Variants in CAMTA1 observed in about 807,000 individuals in gnomAD.
CAMTA1 encodes the protein calmodulin binding transcription activator 1.
Under a neutral mutation model 170.9 loss-of-function variants are expected in CAMTA1, and 27 were observed. That is an observed-to-expected ratio of 0.16 (90% CI 0.12 to 0.22). The LOEUF (loss-of-function observed/expected upper bound fraction) is 0.22, where lower values mean the gene tolerates loss of function less well. Ranked by LOEUF, CAMTA1 falls within the 10% of genes least tolerant of loss-of-function variation. The probability of loss-of-function intolerance (pLI) is 1.00; values close to 1 mark genes in which losing one functional copy is unlikely to be tolerated. For missense variants in CAMTA1, 1,619 were observed against 2,217.2 expected (o/e 0.73, Z 5.42); for synonymous variants, 833 against 891.5 (o/e 0.93, Z 1.17).
chr1:6,954,693 C>G (rs1327908914), intron 3 of CAMTA1, among the ~76,000 whole-genome samples: 1 of 152,206 alleles, frequency 6.6e-6, no homozygotes, highest in Non-Finnish European at 1.5e-5. Context: ...GAGCCCGACC[C>G]TTAAGACTAA....
chr1:7,703,907 G>C (rs989109902), intron 11 of CAMTA1, among the ~76,000 whole-genome samples: 1 of 152,138 alleles, frequency 6.6e-6, no homozygotes, highest in African/African-American at 2.4e-5. Flanking sequence ...AAGTGCGCAG[G>C]GCTGGAGCTG....
chr1:7,004,698 A>C (rs1698725607), intron 3 of CAMTA1, among the ~76,000 whole-genome samples: 1 of 152,186 alleles, frequency 6.6e-6, no homozygotes, highest in South Asian at 2.1e-4. Context: ...CCTCAAAGAC[A>C]ACCACTATCC....
At chr1:7,755,740 A>G in intron 22 of CAMTA1, 72 bp downstream of exon 22, 3 of 1,292,276 alleles carry the variant, frequency 2.3e-6, no homozygotes, top group South Asian at 1.2e-5. Context: ...GCTTGCTTGC[A>G]TGAGGCTGCA....
At chr1:6,873,368 T>G (rs1668937853) in intron 3 of CAMTA1, among the ~76,000 whole-genome samples, 1 of 152,182 alleles carries the variant, frequency 6.6e-6, no homozygotes, top group African/African-American at 2.4e-5. Context: ...GCCATGTCCT[T>G]CTAGCACTAA....
chr1:6,967,300 A>G (rs1188917511), intron 3 of CAMTA1, among the ~76,000 whole-genome samples: 1 of 151,834 alleles, frequency 6.6e-6, no homozygotes, highest in African/African-American at 2.4e-5. Context: ...GAATTTTTTC[A>G]GAAAATGGAG....
At chr1:7,042,990 A>AC (rs1178511886) in intron 3 of CAMTA1, among the ~76,000 whole-genome samples, 40 of 151,756 alleles carry the variant, frequency 2.6e-4, no homozygotes, top group East Asian at 1.4e-3. Context: ...AATCAACCAA[A>AC]CCACCCCCCA....
intron 3 of CAMTA1, among the ~76,000 whole-genome samples, chr1:6,831,019 C>T (rs1053711531): frequency 5.9e-5 from 9 of 151,578 alleles, no homozygotes; most frequent in Non-Finnish European, 1.0e-4. Context: ...GGGCTTTCAC[C>T]GTGTTGGCCA....
chr1:7,675,599 C>G (rs999738436), intron 10 of CAMTA1, among the ~76,000 whole-genome samples: 1 of 151,900 alleles, frequency 6.6e-6, no homozygotes, highest in Non-Finnish European at 1.5e-5. Context: ...CTGTGGCCCC[C>G]GGTGCTGGAT....
At chr1:7,252,350 G>A (rs531213046) in intron 5 of CAMTA1, among the ~76,000 whole-genome samples, 3 of 152,342 alleles carry the variant, frequency 2.0e-5, no homozygotes, top group South Asian at 4.1e-4. Flanking sequence ...ATGTTAATGG[G>A]AGCCTGTTGC....
At chr1:7,543,060 G>A (rs1044045078) in intron 6 of CAMTA1, among the ~76,000 whole-genome samples, 1 of 151,970 alleles carries the variant, frequency 6.6e-6, no homozygotes, top group Non-Finnish European at 1.5e-5. Context: ...GTGGAGACAG[G>A]GTTTCACCGT....
rs1335869977 is a variant in CAMTA1 at position 7,674,251 on chromosome 1, C to G, written c.2779+3214C>G. Among the ~76,000 whole-genome samples the G allele has an allele frequency of 6.6e-6, 1 of 152,176 alleles. No individual in the cohort carries two copies. The highest frequency in any genetic ancestry group is 2.4e-5 in the African/African-American group (1 of 41,444). ...ACACCGTCACAGGTGGCAGGAGACACGCAGGCACTGAGTGTGTCTTCTGCA... is the reference window on the plus strand; with the variant it reads ...ACACCGTCACAGGTGGCAGGAGACAGGCAGGCACTGAGTGTGTCTTCTGCA... On this transcript the variant is annotated intron_variant, in intron 10 of 22. Transcript: ENST00000303635. This position sits in a 1 kb window ranked among gnomAD's most constrained non-coding sequence, Gnocchi z 4.1.
intron 6 of CAMTA1, among the ~76,000 whole-genome samples, chr1:7,525,170 A>G (rs2094416494): frequency 6.6e-6 from 1 of 151,804 alleles, no homozygotes; most frequent in Admixed American, 6.6e-5. Flanking sequence ...CTGCTCTACC[A>G]TTTTCCTTTT....
chr1:6,861,964 C>CT lies in CAMTA1; in HGVS notation c.234+36770dup, dbSNP rs1328461176. On this transcript the variant is annotated intron_variant, in intron 3 of 22. Transcript: ENST00000303635. Reference sequence around the variant, plus strand: ...TAAAGTGAAGTCATATAGTATTTGTCTTTTTTTTTTTTTTTTGAGACGGAG... The same window carrying CT: ...TAAAGTGAAGTCATATAGTATTTGTCTTTTTTTTTTTTTTTTTGAGACGGAG... 8.3e-3 allele frequency among the ~76,000 whole-genome samples: 1,161 copies of CT among 140,152 alleles called. 9 individuals are homozygous for CT. Among genetic ancestry groups the CT allele is most frequent in the African/African-American group, 0.011 (411 of 38,328 alleles). 91.9% of individuals were successfully genotyped at this position (140,152 alleles called of 152,430 possible).
intron 7 of CAMTA1, among the ~76,000 whole-genome samples, chr1:7,654,991 CACCCACACACACCT>C (rs2095875890): frequency 6.8e-6 from 1 of 147,638 alleles, no homozygotes; most frequent in Admixed American, 7.0e-5. Flanking sequence ...CCTATACACA[CACCCACACACACCT>C]ATACACACAC....
chr1:7,731,122 A>C (rs899027984), intron 11 of CAMTA1, among the ~76,000 whole-genome samples: 2 of 152,090 alleles, frequency 1.3e-5, no homozygotes, highest in African/African-American at 4.8e-5. Flanking sequence ...TAAATGCAGG[A>C]ATGTGGAGAG....
chr1:7,639,896 G>A (rs1351333788), intron 6 of CAMTA1, among the ~76,000 whole-genome samples: 4 of 152,198 alleles, frequency 2.6e-5, no homozygotes, highest in Non-Finnish European at 4.4e-5. Context: ...TTTTCCCCTT[G>A]GGGAGAAGCG....
At chr1:6,973,504 G>T (rs1015768576) in intron 3 of CAMTA1, among the ~76,000 whole-genome samples, 2 of 152,110 alleles carry the variant, frequency 1.3e-5, no homozygotes, top group Non-Finnish European at 2.9e-5. Context: ...TATATCCCAC[G>T]CTCCCTTTAT....
intron 6 of CAMTA1, among the ~76,000 whole-genome samples, chr1:7,621,538 A>C (rs1311953567): frequency 6.6e-6 from 1 of 152,230 alleles, no homozygotes. Context: ...TTGTCCTGGC[A>C]GTGCAGCTCG....
chr1:7,550,824 C>A (rs766463477), intron 6 of CAMTA1, among the ~76,000 whole-genome samples: 27 of 114,106 alleles, frequency 2.4e-4, no homozygotes, highest in Non-Finnish European at 4.3e-4. Context: ...CCCTACCACC[C>A]GGCCCCCTCA....
Sources: allele counts gnomAD v4.1 joint callset (sites outside exome capture counted in the v4.1 genomes callset), GRCh38; gene constraint gnomAD v4.1.1; non-coding constraint Gnocchi (gnomAD v3.1); transcripts MANE v1.5; gene names NCBI Gene and HGNC (gene_info 2026-07-23, HGNC 2026-07-21).